SLC24A3: variants seen among roughly 807,000 people sequenced by gnomAD.
SLC24A3 encodes sodium/potassium/calcium exchanger 3.
Under a neutral mutation model 75.8 loss-of-function variants are expected in SLC24A3, and 28 were observed. That is an observed-to-expected ratio of 0.37 (90% CI 0.27 to 0.51). SLC24A3 has a LOEUF of 0.51. SLC24A3 is among the 20% of genes least tolerant of loss of function. SLC24A3 has a pLI of 0.94. For missense variants in SLC24A3, 663 were observed against 847.8 expected (o/e 0.78, Z 2.71); for synonymous variants, 372 against 334.1 (o/e 1.11, Z -1.24).
intron 3 of SLC24A3, among the ~76,000 whole-genome samples, chr20:19,528,083 T>C (rs1379642363): frequency 6.6e-6 from 1 of 152,200 alleles, no homozygotes; most frequent in Non-Finnish European, 1.5e-5. Context: ...TTAAGACCCC[T>C]TTGTTTCCCT....
chr20:19,565,094 C>T lies in SLC24A3; in HGVS notation c.349-14906C>T, dbSNP rs992172164. ...GTGCTGGGATTACATCGTGTGCCAA[C>T]ACACCCGGCTTCCATCCTCTCATTC... On this transcript the variant is annotated intron_variant, in intron 3 of 16. Transcript: ENST00000328041. Among the ~76,000 whole-genome samples, 12 of 152,206 alleles carry T rather than the reference C, an allele frequency of 7.9e-5. No individual in the cohort carries two copies. The East Asian group carries it at 1.3e-3, about 17-fold the overall frequency.
rs1017611021 is a variant in SLC24A3, at chr20:19,664,920, C to T, written c.688-944C>T. 3.9e-5 allele frequency among the ~76,000 whole-genome samples: 6 copies of T among 152,148 alleles called. No individual in the cohort carries two copies. In the East Asian group the frequency reaches 7.7e-4, roughly 20 times the overall value. ...AAATTCGGAGCTGGGGCTGAGTTCTCGAGCCAATTCTGCAGCAAATGGAGC... is the reference window on the plus strand; with the variant it reads ...AAATTCGGAGCTGGGGCTGAGTTCTTGAGCCAATTCTGCAGCAAATGGAGC... On this transcript the variant is annotated intron_variant, in intron 7 of 16. Coordinates refer to ENST00000328041, the MANE Select transcript of SLC24A3 (RefSeq NM_020689.4).
chr20:19,527,907 G>T (rs140108710), intron 3 of SLC24A3, among the ~76,000 whole-genome samples: 2 of 152,248 alleles, frequency 1.3e-5, no homozygotes, highest in South Asian at 2.1e-4. Flanking sequence ...CACATGAAAG[G>T]TACCCAAACA....
chr20:19,285,342 G>A (rs1449441724), intron 2 of SLC24A3, among the ~76,000 whole-genome samples: 1 of 151,854 alleles, frequency 6.6e-6, no homozygotes, highest in East Asian at 1.9e-4. Flanking sequence ...GCCAGTCGTG[G>A]TGGTGTGAGT....
At chr20:19,522,066 C>T (rs116655729) in intron 3 of SLC24A3, among the ~76,000 whole-genome samples, 2,939 of 152,300 alleles carry the variant, frequency 0.019, 95 homozygotes, top group African/African-American at 0.065. Flanking sequence ...GTGGTAGCCA[C>T]TGGCCATGGG....
chr20:19,601,947 C>T (rs568777466), intron 6 of SLC24A3, among the ~76,000 whole-genome samples: 34 of 152,220 alleles, frequency 2.2e-4, no homozygotes, highest in African/African-American at 6.0e-4. Context: ...CTGAGGCGGA[C>T]GGATCACCTG....
At chr20:19,621,437 A>T (rs2031803553) in intron 6 of SLC24A3, among the ~76,000 whole-genome samples, 1 of 152,202 alleles carries the variant, frequency 6.6e-6, no homozygotes, top group African/African-American at 2.4e-5. Flanking sequence ...TTAACTAAAG[A>T]TACTTAATAC....
intron 2 of SLC24A3, among the ~76,000 whole-genome samples, chr20:19,295,735 G>T (rs1984042049): frequency 6.6e-6 from 1 of 152,044 alleles, no homozygotes; most frequent in Non-Finnish European, 1.5e-5. Flanking sequence ...TTTTTGATGT[G>T]CTGCTGGATT....
chr20:19,667,596 C>T (rs1181159547), intron 8 of SLC24A3, among the ~76,000 whole-genome samples: 3 of 152,162 alleles, frequency 2.0e-5, no homozygotes, highest in Non-Finnish European at 2.9e-5. Flanking sequence ...AATGTGTGTG[C>T]AGCTGTTGTG....
chr20:19,590,163 C>T lies in SLC24A3; in HGVS notation c.612+4619C>T, dbSNP rs562693556. On this transcript the variant is annotated intron_variant, in intron 6 of 16. Transcript: ENST00000328041. ...CCATTGAAAGTAATGGCAAAAACCG[C>T]AATTACTTTTGCACCAACCTAATAT... is the stretch of plus-strand genomic sequence containing the variant. 2.0e-5 allele frequency among the ~76,000 whole-genome samples: 3 copies of T among 147,952 alleles called. No individual in the cohort carries two copies. In the South Asian group the frequency reaches 7.3e-4, roughly 36 times the overall value.
At chr20:19,268,685 C>A (rs6045945) in intron 1 of SLC24A3, among the ~76,000 whole-genome samples, 59 of 152,326 alleles carry the variant, frequency 3.9e-4, no homozygotes, top group African/African-American at 1.4e-3. Context: ...CATGTGATTT[C>A]TTGGTCAACT....
chr20:19,460,679 C>T (rs553600490), intron 2 of SLC24A3, among the ~76,000 whole-genome samples: 60 of 152,174 alleles, frequency 3.9e-4, no homozygotes, highest in African/African-American at 1.2e-3. Context: ...TGTTTCCCTC[C>T]GGGGTGTTTA....
chr20:19,495,529 T>C (rs1443725525), intron 2 of SLC24A3, among the ~76,000 whole-genome samples: 1 of 152,212 alleles, frequency 6.6e-6, no homozygotes, highest in Non-Finnish European at 1.5e-5. Context: ...TCATCCAGGC[T>C]TGTTAAAATA....
intron 3 of SLC24A3, among the ~76,000 whole-genome samples, chr20:19,521,762 T>C (rs1351137220): frequency 6.6e-6 from 1 of 152,208 alleles, no homozygotes; most frequent in East Asian, 1.9e-4. Context: ...CCCAGATTGC[T>C]GTTGTTCAGA....
chr20:19,218,738 G>T (rs777875637), intron 1 of SLC24A3, among the ~76,000 whole-genome samples: 1 of 151,062 alleles, frequency 6.6e-6, no homozygotes, highest in Non-Finnish European at 1.5e-5. Context: ...GAAGCTAAAA[G>T]AATTGCAAAA....
chr20:19,212,957 T>A lies in SLC24A3; in HGVS notation c.115T>A (p.Ser39Thr), dbSNP rs1427208208. The stretch of plus-strand genomic sequence containing the variant: ...GGCCTCGGTGGCGCTGCTGCTCTGG[T>A]CGCTGTCGAGCCTGCGAGAGCAGAA... ...FLASVALLLW[S>T]LSSLREQKEL... The change falls in exon 1 of 17, where the codon TCG (serine) becomes ACG (threonine). Residue 39 changes from serine to threonine, a missense_variant. Ser to Thr is a moderately conservative substitution (Grantham distance 58, BLOSUM62 1). Coordinates refer to ENST00000328041, the MANE Select transcript of SLC24A3 (RefSeq NM_020689.4). The A allele has an allele frequency of 2.3e-6, 3 of 1,320,836 alleles. No homozygotes were observed. Among genetic ancestry groups the A allele is most frequent in the Non-Finnish European group, 2.9e-6 (3 of 1,032,764 alleles). 81.8% of individuals were successfully genotyped at this position (1,320,836 alleles called of 1,614,324 possible).
In SLC24A3 at chr20:19,651,394, T is replaced by C. The variant is rs11699542; in HGVS notation, c.613-2668T>C. Among the ~76,000 whole-genome samples the C allele has an allele frequency of 5.9e-3, 492 of 83,230 alleles. 3 individuals carry two copies. Among genetic ancestry groups the C allele is most frequent in the Admixed American group, 0.028 (281 of 9,936 alleles). 54.6% of individuals were successfully genotyped at this position (83,230 alleles called of 152,430 possible). On this transcript the variant is annotated intron_variant, in intron 6 of 16. Transcript: ENST00000328041. ...TATTATATATATATATATATATATATACACACATATATATATATATATATC... is the reference window on the plus strand; with the variant it reads ...TATTATATATATATATATATATATACACACACATATATATATATATATATC...
At chr20:19,609,844 T>C (rs1173050713) in intron 6 of SLC24A3, among the ~76,000 whole-genome samples, 1 of 152,080 alleles carries the variant, frequency 6.6e-6, no homozygotes, top group African/African-American at 2.4e-5. Flanking sequence ...CCACAAAGAG[T>C]TTGGTTTGGA....
intron 6 of SLC24A3, among the ~76,000 whole-genome samples, chr20:19,607,015 G>A (rs143079595): frequency 6.6e-6 from 1 of 152,182 alleles, no homozygotes; most frequent in African/African-American, 2.4e-5. Context: ...CATAGAAGAG[G>A]GTTGGACGTG....
Sources: allele counts gnomAD v4.1 joint callset (sites outside exome capture counted in the v4.1 genomes callset), GRCh38; gene constraint gnomAD v4.1.1; transcripts MANE v1.5; gene names NCBI Gene and HGNC (gene_info 2026-07-23, HGNC 2026-07-21).